Variants in CASC3 observed in about 807,000 individuals in gnomAD.
CASC3 encodes the protein protein CASC3.
Under a neutral mutation model 80.5 loss-of-function variants are expected in CASC3, and 30 were observed. The ratio of observed to expected loss-of-function variants is 0.37; its 90% confidence interval spans 0.28 to 0.51. CASC3 has a LOEUF of 0.51. Among genes scored for constraint, CASC3 ranks in the 20% least tolerant of loss-of-function variants. The pLI is 0.94. For synonymous variants in CASC3, 312 were observed against 333.6 expected, an observed-to-expected ratio of 0.94 and a Z score of 0.70; for missense variants, 824 against 922.2, an observed-to-expected ratio of 0.89 and a Z score of 1.38.
intron 3 of CASC3, among the ~76,000 whole-genome samples, chr17:40,153,881 C>G (rs1989075842): frequency 6.6e-6 from 1 of 152,136 alleles, no homozygotes; most frequent in Non-Finnish European, 1.5e-5. Flanking sequence ...CCAGACCAGC[C>G]TTGCTAACAT....
intron 3 of CASC3, among the ~76,000 whole-genome samples, chr17:40,143,500 T>G (rs889198847): frequency 6.6e-6 from 1 of 151,980 alleles, no homozygotes; most frequent in Non-Finnish European, 1.5e-5. Flanking sequence ...ATTTGCAACA[T>G]GGTGACTACA....
Position 40,169,649 on chromosome 17 carries a change from A to G in CASC3, c.*28A>G. The G allele has an allele frequency of 6.4e-7, 1 of 1,554,400 alleles. No homozygotes were observed. The highest frequency in any genetic ancestry group is 8.7e-7 in the Non-Finnish European group (1 of 1,145,672). The stretch of plus-strand genomic sequence containing the variant: ...CAAGTTTCTGAATATTTTAAATCTT[A>G]ACATCATATAAAAGTAAGTGCACAA... On this transcript the variant is annotated 3_prime_UTR_variant, in exon 13 of 14. Transcript: ENST00000264645.
chr17:40,161,568 A>AT (rs1989299473), intron 3 of CASC3, among the ~76,000 whole-genome samples, 185 bp from the exon 4 acceptor site: 1 of 152,008 alleles, frequency 6.6e-6, no homozygotes, highest in African/African-American at 2.4e-5. Context: ...AATCCCAGCT[A>AT]TTTAGGAGGC....
At chr17:40,166,905 T>TA (rs1472208558) in intron 8 of CASC3, 44 bp downstream of exon 8, 4 of 1,380,288 alleles carry the variant, frequency 2.9e-6, no homozygotes, top group African/African-American at 2.9e-5. Flanking sequence ...AGCTGCCTGT[T>TA]ACACAGCTTG....
intron 3 of CASC3, among the ~76,000 whole-genome samples, chr17:40,142,100 A>G (rs1453949235): frequency 6.6e-6 from 1 of 152,208 alleles, no homozygotes; most frequent in Admixed American, 6.5e-5. Flanking sequence ...ATGCCATCAG[A>G]GTAAGTGTTT....
Position 40,170,816 on chromosome 17 carries a change from T to A in CASC3, c.*411T>A, listed in dbSNP as rs1054097764. The A allele has an allele frequency of 3.0e-6, 3 of 984,858 alleles. No individual in the cohort carries two copies. The African/African-American group carries it at 5.2e-5, about 17-fold the overall frequency. The allele number at this position is 984,858 out of a possible 1,614,324, so 61.0% of individuals were successfully genotyped here. On this transcript the variant is annotated 3_prime_UTR_variant, in exon 14 of 14. Coordinates refer to ENST00000264645, the MANE Select transcript of CASC3 (RefSeq NM_007359.5). ...ATGTTCATTTTTAAAGCCTGGCTTC[T>A]TATCCTTAATATTATTTTAATTTTT...
chr17:40,157,359 AAATAAATAAATT>A (rs1320059340), intron 3 of CASC3, among the ~76,000 whole-genome samples: 45 of 148,250 alleles, frequency 3.0e-4, no homozygotes, highest in Admixed American at 6.0e-4. Flanking sequence ...ATAAATAAAT[AAATAAATAAATT>A]AATTAATTAA....
intron 3 of CASC3, among the ~76,000 whole-genome samples, chr17:40,156,236 T>C (rs1324277263): frequency 1.3e-5 from 2 of 152,072 alleles, no homozygotes; most frequent in Non-Finnish European, 2.9e-5. Context: ...AAAAACTTCA[T>C]GTAATTAAGG....
intron 2 of CASC3, 140 bp from the exon 3 acceptor site, chr17:40,141,430 T>A (rs1988714359): frequency 1.2e-6 from 1 of 858,400 alleles, no homozygotes; most frequent in African/African-American, 1.7e-5. Flanking sequence ...CTGTTTCTCC[T>A]TTTGTAAGTG....
At position 40,162,724 on chromosome 17, in the gene CASC3, G is replaced by T; in HGVS notation, c.609-1G>T. ...AGACACTTTTCCTTCATTTTATCCA[G>T]ACCCAAGGGGCGTCAGCGAAAGCTA... is the stretch of plus-strand genomic sequence containing the variant. On this transcript the variant is annotated splice_acceptor_variant, in intron 5 of 13. Transcript: ENST00000264645. LOFTEE classifies it high-confidence loss of function. 1 of 1,613,076 alleles carries T rather than the reference G, an allele frequency of 6.2e-7. No homozygotes were observed. The highest frequency in any genetic ancestry group is 1.1e-5 in the South Asian group (1 of 91,038).
chr17:40,164,552 T>A (rs987288173), intron 7 of CASC3, among the ~76,000 whole-genome samples: 10 of 151,488 alleles, frequency 6.6e-5, no homozygotes, highest in Non-Finnish European at 1.0e-4. Context: ...GTTCAAGTGA[T>A]TCTCCTGCCT....
intron 9 of CASC3, 39 bp from the exon 10 acceptor site, chr17:40,167,811 A>T (rs758277915): frequency 6.5e-7 from 1 of 1,547,934 alleles, no homozygotes; most frequent in Non-Finnish European, 8.9e-7. Flanking sequence ...CCATGTGAAG[A>T]GTAAGGGTTT....
chr17:40,164,247 G>C, intron 7 of CASC3, 81 bp downstream of exon 7: 1 of 1,128,046 alleles, frequency 8.9e-7, no homozygotes, highest in Middle Eastern at 2.3e-4. Flanking sequence ...GTCTCAGGAA[G>C]GTGGTGTCTG....
chr17:40,169,587 T>C lies in CASC3; in HGVS notation c.2089-11T>C, dbSNP rs571663342. On this transcript the variant is annotated splice_polypyrimidine_tract_variant and intron_variant, in intron 12 of 13. Transcript: ENST00000264645. The stretch of plus-strand genomic sequence containing the variant: ...ATGACCTGATAACAAATTCCAACTT[T>C]GTTATTTCAGGTTGTAAGCAGGGGT... 1.1e-5 allele frequency: 17 copies of C among 1,594,810 alleles called. No individual in the cohort carries two copies. Among genetic ancestry groups the C allele is most frequent in the South Asian group, 2.3e-5 (2 of 87,248 alleles).
intron 7 of CASC3, among the ~76,000 whole-genome samples, chr17:40,164,408 C>T (rs944044831): frequency 2.6e-5 from 4 of 151,784 alleles, no homozygotes; most frequent in Admixed American, 6.6e-5. Context: ...GGGTTACAGG[C>T]GCACACCACC....
chr17:40,141,586 T>C lies in CASC3; in HGVS notation c.276T>C (p.Tyr92=), dbSNP rs1404164002. The C allele has an allele frequency of 6.2e-7, 1 of 1,613,686 alleles. No homozygotes were observed. The highest frequency in any genetic ancestry group is 1.3e-5 in the African/African-American group (1 of 74,934). ...GIEGDAVLSD[Y]ESAEDSEGEE... is the part of the protein sequence containing the mutation. ...TTATTTCAGCTGTTCTCTCGGATTA[T>C]GAAAGTGCAGAAGACTCGGAAGTGA... The change falls in exon 3 of 14, where the codon TAT becomes TAC. Residue 92 remains tyrosine (Y), a synonymous_variant. Coordinates refer to ENST00000264645, the MANE Select transcript of CASC3 (RefSeq NM_007359.5).
chr17:40,169,569 G>C lies in CASC3; in HGVS notation c.2089-29G>C, dbSNP rs9909548. On this transcript the variant is annotated intron_variant, in intron 12 of 13. Transcript: ENST00000264645. The stretch of plus-strand genomic sequence containing the variant: ...GAAAACAGTCTTTTTGTTATGACCT[G>C]ATAACAAATTCCAACTTTGTTATTT... 7.2e-3 allele frequency: 11,386 copies of C among 1,585,600 alleles called. 711 individuals carry two copies. In the African/African-American group the frequency reaches 0.14, roughly 19 times the overall value.
At chr17:40,156,956 T>A (rs1183001512) in intron 3 of CASC3, among the ~76,000 whole-genome samples, 2 of 151,822 alleles carry the variant, frequency 1.3e-5, no homozygotes, top group Non-Finnish European at 2.9e-5. Flanking sequence ...GGCAGGAGGA[T>A]CACTCGAGCC....
intron 3 of CASC3, among the ~76,000 whole-genome samples, chr17:40,149,287 CT>C (rs763018937): frequency 5.3e-3 from 690 of 129,690 alleles, no homozygotes; most frequent in African/African-American, 5.8e-3. Flanking sequence ...TCCAAGAATT[CT>C]TTTTTTTTTT....
Sources: allele counts gnomAD v4.1 joint callset (sites outside exome capture counted in the v4.1 genomes callset), GRCh38; gene constraint gnomAD v4.1.1; transcripts MANE v1.5; gene names NCBI Gene and HGNC (gene_info 2026-07-23, HGNC 2026-07-21).